LRP1B: variants seen among roughly 807,000 people sequenced by gnomAD.
LRP1B encodes low-density lipoprotein receptor-related protein 1B.
In LRP1B, 217 loss-of-function variants were observed where a neutral mutation model predicts 556.6. That is an observed-to-expected ratio of 0.39 (90% CI 0.35 to 0.44). The LOEUF (loss-of-function observed/expected upper bound fraction) is 0.44. Ranked by LOEUF, LRP1B falls within the 20% of genes least tolerant of loss-of-function variation. The pLI is 1.00. For synonymous variants in LRP1B, 2,047 were observed against 1,865.8 expected (o/e 1.10, Z -2.50); for missense variants, 5,053 against 5,620.8 (o/e 0.90, Z 3.23).
chr2:141,451,113 G>C (rs13429685), intron 3 of LRP1B, among the ~76,000 whole-genome samples: 28,939 of 152,140 alleles, frequency 0.19, 3,666 homozygotes, highest in East Asian at 0.45. Flanking sequence ...TGGGACGACT[G>C]AGGCTAATGC....
At chr2:141,983,264 C>T (rs1702092790) in intron 1 of LRP1B, among the ~76,000 whole-genome samples, 1 of 152,098 alleles carries the variant, frequency 6.6e-6, no homozygotes. Context: ...TTCTCTGCTA[C>T]TCACACACAC....
chr2:141,043,469 G>T (rs1403415211), intron 11 of LRP1B, among the ~76,000 whole-genome samples: 1 of 151,792 alleles, frequency 6.6e-6, no homozygotes, highest in Non-Finnish European at 1.5e-5. Context: ...GTTTGGTAAA[G>T]AAAGCCTTTG....
At chr2:140,532,947 T>TATCTATATCTATATACACAC in intron 47 of LRP1B, among the ~76,000 whole-genome samples, 1 of 124,282 alleles carries the variant, frequency 8.0e-6, no homozygotes, top group African/African-American at 3.2e-5. Context: ...TATATATATA[T>TATCTATATCTATATACACAC]ACACATATAT....
chr2:140,678,717 A>G (rs938304148), intron 41 of LRP1B, among the ~76,000 whole-genome samples: 7 of 151,890 alleles, frequency 4.6e-5, no homozygotes, highest in African/African-American at 1.7e-4. Flanking sequence ...GAAGGCTGCA[A>G]ATCTAAAACC....
intron 41 of LRP1B, among the ~76,000 whole-genome samples, chr2:140,682,335 T>C (rs1559052362): frequency 6.6e-6 from 1 of 152,202 alleles, no homozygotes; most frequent in Non-Finnish European, 1.5e-5. Flanking sequence ...TCTCCTACTT[T>C]GTACATTCCA....
intron 2 of LRP1B, among the ~76,000 whole-genome samples, chr2:141,712,990 T>G (rs568895510): frequency 2.0e-5 from 3 of 151,994 alleles, no homozygotes; most frequent in South Asian, 2.1e-4. Context: ...TTATTATATA[T>G]CTTCAAGTAT....
intron 35 of LRP1B, among the ~76,000 whole-genome samples, chr2:140,717,723 C>T (rs952714822): frequency 5.9e-5 from 9 of 151,992 alleles, no homozygotes; most frequent in African/African-American, 2.2e-4. Context: ...TCCTTTAAGA[C>T]CAATAAAATT....
intron 2 of LRP1B, among the ~76,000 whole-genome samples, chr2:141,673,548 T>G (rs1159346541): frequency 6.6e-6 from 1 of 152,100 alleles, no homozygotes. Context: ...AAATGTGCTG[T>G]CCAAAGTAGA....
At chr2:140,267,982 T>A (rs1682286501) in intron 86 of LRP1B, among the ~76,000 whole-genome samples, 1 of 151,752 alleles carries the variant, frequency 6.6e-6, no homozygotes, top group Non-Finnish European at 1.5e-5. Context: ...CCATGAGAGA[T>A]TTTTATTCTG....
intron 66 of LRP1B, among the ~76,000 whole-genome samples, chr2:140,422,339 C>T (rs1685481693): frequency 6.6e-6 from 1 of 152,130 alleles, no homozygotes; most frequent in Non-Finnish European, 1.5e-5. Flanking sequence ...ACAGTGTGAA[C>T]ACTGGTTTTA....
At chr2:141,922,121 G>A (rs772937307) in intron 1 of LRP1B, among the ~76,000 whole-genome samples, 3 of 152,102 alleles carry the variant, frequency 2.0e-5, no homozygotes, top group Non-Finnish European at 2.9e-5. Flanking sequence ...TAGAGTTAAG[G>A]TCTCTTAGAC....
chr2:140,658,409 T>C (rs760167805), intron 41 of LRP1B, among the ~76,000 whole-genome samples: 39 of 152,058 alleles, frequency 2.6e-4, no homozygotes, highest in Non-Finnish European at 4.9e-4. Flanking sequence ...AATGGCTTTA[T>C]ATACTGCAAC....
At chr2:141,700,527 A>T (rs549811744) in intron 2 of LRP1B, among the ~76,000 whole-genome samples, 70 of 151,872 alleles carry the variant, frequency 4.6e-4, no homozygotes, top group African/African-American at 1.6e-3. Context: ...ATAAATTATT[A>T]TGTGCACACC....
chr2:140,934,721 C>A (rs1030010771), intron 20 of LRP1B, among the ~76,000 whole-genome samples: 10 of 152,060 alleles, frequency 6.6e-5, no homozygotes, highest in Admixed American at 6.6e-4. Context: ...TGTCACTGAC[C>A]GCAAAGGTGC....
chr2:141,763,183 T>C (rs147084963), intron 2 of LRP1B, among the ~76,000 whole-genome samples: 539 of 152,246 alleles, frequency 3.5e-3, no homozygotes, highest in African/African-American at 0.012. Flanking sequence ...AATAAAGAAT[T>C]CAATTCTTTA....
chr2:141,257,349 C>T (rs1397816905), intron 3 of LRP1B, among the ~76,000 whole-genome samples: 1 of 152,228 alleles, frequency 6.6e-6, no homozygotes, highest in Admixed American at 6.5e-5. Context: ...GGTGTATTCA[C>T]TCAGTGAGTC....
chr2:140,893,489 AC>A (rs1176809453), intron 23 of LRP1B, among the ~76,000 whole-genome samples: 1 of 152,180 alleles, frequency 6.6e-6, no homozygotes, highest in East Asian at 1.9e-4. Context: ...AAAGTTCAAA[AC>A]CTTTGCCCTA....
At chr2:140,800,172 C>G (rs1016802480) in intron 32 of LRP1B, among the ~76,000 whole-genome samples, 2 of 152,152 alleles carry the variant, frequency 1.3e-5, no homozygotes, top group African/African-American at 4.8e-5. Context: ...ACCGCATGTT[C>G]TCACTCATAG....
In LRP1B at chr2:141,058,506, AATAAACACTGGAC is replaced by A. The variant is rs1244758357; in HGVS notation, c.1408+364_1408+376del. On this transcript the variant is annotated intron_variant, in intron 9 of 90. Coordinates refer to ENST00000389484, the MANE Select transcript of LRP1B (RefSeq NM_018557.3). ...TAAGTTAGGAGAGCCCAATGACTAT[AATAAACACTGGAC>A]AGATACTTCAAGGCAGTCACCTGAT... 3.3e-5 allele frequency among the ~76,000 whole-genome samples: 5 copies of A among 151,998 alleles called. No homozygotes were observed. In the East Asian group the frequency reaches 9.7e-4, roughly 30 times the overall value.
Sources: gnomAD v4.1 joint callset for allele counts (sites outside exome capture counted in the v4.1 genomes callset) on GRCh38, gnomAD v4.1.1 for gene constraint, MANE v1.5 for transcripts, NCBI Gene and HGNC (gene_info 2026-07-23, HGNC 2026-07-21) for gene names.